Variants in MDH1B observed in about 807,000 individuals in gnomAD.
The protein encoded by MDH1B is malate dehydrogenase 1B.
MDH1B carries 60 observed loss-of-function variants against 61.4 expected under a neutral mutation model. That is an observed-to-expected ratio of 0.98 (90% confidence interval 0.79 to 1.21). The LOEUF is 1.21. MDH1B is among the 50% of genes most tolerant of loss of function. MDH1B has a pLI of 0.00. For missense variants in MDH1B, 587 were observed against 632.1 expected, an observed-to-expected ratio of 0.93 and a Z score of 0.76; for synonymous variants, 236 against 218.7, an observed-to-expected ratio of 1.08 and a Z score of -0.70.
chr2:206,744,695 G>C (rs1687994861), intron 9 of MDH1B, among the ~76,000 whole-genome samples: 1 of 152,062 alleles, frequency 6.6e-6, no homozygotes, highest in South Asian at 2.1e-4. Flanking sequence ...GGGAGGCTGA[G>C]GTGGGTGGAT....
Position 206,738,281 on chromosome 2 carries a change from A to T in MDH1B, c.*202T>A, listed in dbSNP as rs1330246024. ...TAAGAAAATGCAATTATTATGAAAC[A>T]AACATGAGTGGATACAAGTAATGCA... On this transcript the variant is annotated 3_prime_UTR_variant, in exon 12 of 12. Coordinates refer to ENST00000374412, the MANE Select transcript of MDH1B (RefSeq NM_001039845.3). The T allele has an allele frequency of 9.8e-6, 4 of 407,456 alleles. No individual in the cohort carries two copies. The highest frequency in any genetic ancestry group is 6.6e-4 in the Middle Eastern group (1 of 1,514). The allele number at this position is 407,456 out of a possible 1,614,324, so 25.2% of individuals were successfully genotyped here. A position where few individuals can be genotyped will look rare whatever the true frequency, so the allele number is the denominator to read the frequency against.
Position 206,751,070 on chromosome 2 carries a change from T to A in MDH1B, c.916A>T (p.Lys306Ter). 3.2e-6 allele frequency: 5 copies of A among 1,572,062 alleles called. No homozygotes were observed. Among genetic ancestry groups the A allele is most frequent in the Non-Finnish European group, 4.3e-6 (5 of 1,156,308 alleles). ...ATATTACCCCAAATGATCACGTCTT[T>A]AATGTCTGTGAAGAATAGAAAGTTT... ...RKLKTAPSYI[K>*]DVIIWGNISG... The change falls in exon 6 of 12, where the codon AAA (lysine) becomes TAA (stop). Residue 306 changes from lysine (K) to a stop codon, truncating the protein, a stop_gained. Coordinates refer to ENST00000374412, the MANE Select transcript of MDH1B (RefSeq NM_001039845.3). LOFTEE classifies it high-confidence loss of function.
At chr2:206,758,389 G>T (rs1216846494) in intron 2 of MDH1B, among the ~76,000 whole-genome samples, 3 of 152,184 alleles carry the variant, frequency 2.0e-5, no homozygotes, top group African/African-American at 7.2e-5. Flanking sequence ...CATGTTGCCA[G>T]ACTGGCTCTT....
intron 9 of MDH1B, among the ~76,000 whole-genome samples, chr2:206,742,711 A>ATTTTT (rs59584383): frequency 3.1e-5 from 3 of 97,212 alleles, no homozygotes; most frequent in Non-Finnish European, 6.0e-5. Flanking sequence ...TGATGTCTCT[A>ATTTTT]TTTTTTTTTT....
At chr2:206,741,156 C>A (rs571644748) in intron 9 of MDH1B, 52 bp from the exon 10 acceptor site, 5 of 1,607,548 alleles carry the variant, frequency 3.1e-6, no homozygotes, top group South Asian at 1.1e-5. Context: ...AACCAACAAC[C>A]TAACTAGGTC....
At chr2:206,741,370 A>G (rs4673362) in intron 9 of MDH1B, 123,037 of 500,414 alleles carry the variant, frequency 0.25, 21,007 homozygotes, top group East Asian at 0.57. Flanking sequence ...CAAAGTATTG[A>G]TCCTGGGTGT....
chr2:206,746,079 C>T (rs7564519), intron 8 of MDH1B, among the ~76,000 whole-genome samples: 43,717 of 151,874 alleles, frequency 0.29, 8,554 homozygotes, highest in East Asian at 0.57. Context: ...TTTTAAATAA[C>T]GAACAAATAT....
At chr2:206,750,576 T>C (rs1688378652) in intron 6 of MDH1B, among the ~76,000 whole-genome samples, 1 of 151,846 alleles carries the variant, frequency 6.6e-6, no homozygotes, top group Admixed American at 6.5e-5. Context: ...CTGTGCCTGC[T>C]CATCGTCTTA....
intron 5 of MDH1B, 130 bp downstream of exon 5, chr2:206,754,879 T>A: frequency 9.4e-7 from 1 of 1,065,240 alleles, no homozygotes; most frequent in Non-Finnish European, 1.3e-6. Flanking sequence ...CAATAAGTTC[T>A]TTATGTCTGT....
intron 9 of MDH1B, among the ~76,000 whole-genome samples, chr2:206,742,288 G>T (rs1055871646): frequency 6.6e-6 from 1 of 152,228 alleles, no homozygotes; most frequent in Non-Finnish European, 1.5e-5. Context: ...GGTGTCTCCT[G>T]TTAAAGTGAG....
chr2:206,755,034 G>A lies in MDH1B; in HGVS notation c.885C>T (p.Ala295=), dbSNP rs1187213021. ...ATGAAGGAGCTGTCTTCAGTTTTCT[G>A]GCCAGTATGGCTTTCGCTTCACCTT... ...GVEGEAKAIL[A]RKLKTAPSYI... The change falls in exon 5 of 12, where the codon GCC becomes GCT. Residue 295 remains alanine, a synonymous_variant. Coordinates refer to ENST00000374412, the MANE Select transcript of MDH1B (RefSeq NM_001039845.3). 2 of 1,613,586 alleles carry A rather than the reference G, an allele frequency of 1.2e-6. No individual in the cohort carries two copies. The highest frequency in any genetic ancestry group is 1.7e-6 in the Non-Finnish European group (2 of 1,179,634).
chr2:206,759,288 T>C (rs1454197600), intron 2 of MDH1B, among the ~76,000 whole-genome samples: 1 of 152,180 alleles, frequency 6.6e-6, no homozygotes, highest in Non-Finnish European at 1.5e-5. Flanking sequence ...TCCAGCTCCA[T>C]CCATGTCCCT....
chr2:206,758,454 C>T (rs757548456), intron 2 of MDH1B, among the ~76,000 whole-genome samples: 29 of 152,044 alleles, frequency 1.9e-4, no homozygotes, highest in African/African-American at 3.4e-4. Context: ...TCATGGAAGA[C>T]GGTAGAAGAA....
intron 2 of MDH1B, among the ~76,000 whole-genome samples, chr2:206,760,232 T>G (rs1185692862): frequency 6.6e-6 from 1 of 151,770 alleles, no homozygotes; most frequent in East Asian, 1.9e-4. Context: ...CTGACTCCAT[T>G]CTCTCTCTAG....
At chr2:206,739,477 T>G in intron 11 of MDH1B, 116 bp downstream of exon 11, 1 of 892,588 alleles carries the variant, frequency 1.1e-6, no homozygotes, top group African/African-American at 1.7e-5. Flanking sequence ...CCCTGGGGAA[T>G]GTGGGAAGTG....
chr2:206,746,362 C>G lies in MDH1B; in HGVS notation c.1281G>C (p.Trp427Cys), dbSNP rs1364337729. 2 of 1,613,822 alleles carry G rather than the reference C, an allele frequency of 1.2e-6. No homozygotes were observed. The highest frequency in any genetic ancestry group is 1.7e-6 in the Non-Finnish European group (2 of 1,179,900). ...SMPVKFENGT[W>C]VVLTDLKDVE... is the part of the protein sequence containing the mutation. Reference sequence around the variant, plus strand: ...CATCTTTGAGATCTGTAAGAACCACCCAAGTTCCATTCTCAAATTTCACAG... The same window carrying G: ...CATCTTTGAGATCTGTAAGAACCACGCAAGTTCCATTCTCAAATTTCACAG... The change falls in exon 8 of 12, where the codon TGG becomes TGC. Residue 427 changes from tryptophan (W) to cysteine (C), a missense_variant. Transcript: ENST00000374412.
rs575150048 is a variant in MDH1B at position 206,750,559 on chromosome 2, G to A, written c.1052+375C>T. ...TCGGCCTCCTGCCACAGAATGCCCA[G>A]CCTGGCCTGTGCCTGCTCATCGTCT... On this transcript the variant is annotated intron_variant, in intron 6 of 11. Coordinates refer to ENST00000374412, the MANE Select transcript of MDH1B (RefSeq NM_001039845.3). Among the ~76,000 whole-genome samples the A allele has an allele frequency of 2.0e-5, 3 of 151,798 alleles. No homozygotes were observed. The South Asian group carries it at 6.2e-4, about 32-fold the overall frequency.
chr2:206,758,531 C>T (rs1196935201), intron 2 of MDH1B, among the ~76,000 whole-genome samples: 7 of 151,970 alleles, frequency 4.6e-5, no homozygotes, highest in Non-Finnish European at 8.8e-5. Flanking sequence ...TTTGGGAGGC[C>T]GAGGCGGGGG....
In MDH1B at chr2:206,757,369, A is replaced by G. The variant is rs747275487; in HGVS notation, c.138T>C (p.Asp46=). ...KITQRPEVWE[D]WLKDVCEKNK... is the part of the protein sequence containing the mutation. ...TCTTTTCACACACATCTTTTAGCCA[A>G]TCCTGTTGAATGATATCCCAAGTGA... Residue 46 remains aspartate (D), a splice_region_variant and synonymous_variant, in exon 3 of 12, where the codon GAT becomes GAC. Coordinates refer to ENST00000374412, the MANE Select transcript of MDH1B (RefSeq NM_001039845.3). 16 of 1,611,772 alleles carry G rather than the reference A, an allele frequency of 9.9e-6. No individual in the cohort carries two copies. The highest frequency in any genetic ancestry group is 1.4e-5 in the Non-Finnish European group (16 of 1,179,458).
Sources: gnomAD v4.1 joint callset for allele counts (sites outside exome capture counted in the v4.1 genomes callset) on GRCh38, gnomAD v4.1.1 for gene constraint, MANE v1.5 for transcripts, NCBI Gene and HGNC (gene_info 2026-07-23, HGNC 2026-07-21) for gene names.